The following PCDH11X variants were observed in gnomAD, a reference collection of about 807,000 sequenced individuals.
PCDH11X encodes protocadherin 11 X-linked.
Under a neutral mutation model 53.3 loss-of-function variants are expected in PCDH11X, and 18 were observed. That is an observed-to-expected ratio of 0.34 (90% CI 0.23 to 0.50). The LOEUF is 0.50. Among genes scored for constraint, PCDH11X ranks in the 20% least tolerant of loss-of-function variants. PCDH11X has a pLI of 0.98. For missense variants in PCDH11X, 570 were observed against 1,032.4 expected (o/e 0.55, Z 6.14); for synonymous variants, 279 against 393.3 (o/e 0.71, Z 3.44).
chrX:92,144,196 G>A (rs751147152), intron 6 of PCDH11X, among the ~76,000 whole-genome samples: 1 of 109,519 alleles, frequency 9.1e-6, no homozygotes, highest in South Asian at 3.9e-4. Context: ...TGGACTGGTG[G>A]GCTTTTGGGT....
At chrX:91,839,931 G>A (rs540389898) in intron 5 of PCDH11X, among the ~76,000 whole-genome samples, 3 of 111,681 alleles carry the variant, frequency 2.7e-5, no homozygotes, top group Non-Finnish European at 3.8e-5. Flanking sequence ...CACACACATC[G>A]TACTACACAT....
chrX:92,572,195 C>T lies in PCDH11X; in HGVS notation c.3368-46069C>T, dbSNP rs1602358756. On this transcript the variant is annotated intron_variant, in intron 10 of 10. Coordinates refer to ENST00000682573, the MANE Select transcript of PCDH11X (RefSeq NM_032968.5). ...AAAACTAAGTCATGTCACTATGAAA[C>T]TTCTTATTGCAAATTATAAATCAGA... Among the ~76,000 whole-genome samples the T allele has an allele frequency of 4.5e-5, 5 of 112,058 alleles. No individual in the cohort carries two copies. In the South Asian group the frequency reaches 1.8e-3, roughly 41 times the overall value.
chrX:92,180,975 C>T (rs1324577347), intron 6 of PCDH11X, among the ~76,000 whole-genome samples: 1 of 109,797 alleles, frequency 9.1e-6, no homozygotes, highest in South Asian at 4.0e-4. Flanking sequence ...GAAAAGATAC[C>T]AAAAAATGTG....
chrX:92,430,321 G>T, intron 9 of PCDH11X, among the ~76,000 whole-genome samples: 1 of 91,843 alleles, frequency 1.1e-5, no homozygotes, highest in Non-Finnish European at 2.4e-5. Flanking sequence ...AATTGATTAC[G>T]TGTTTGTTCA....
intron 6 of PCDH11X, among the ~76,000 whole-genome samples, chrX:92,096,063 T>C (rs1248545235): frequency 8.9e-6 from 1 of 112,010 alleles, no homozygotes; most frequent in East Asian, 2.8e-4. Context: ...ATAATAGAAT[T>C]AGTTACTTAT....
chrX:91,966,422 C>G (rs1284749600), intron 6 of PCDH11X, among the ~76,000 whole-genome samples: 1 of 108,650 alleles, frequency 9.2e-6, no homozygotes, highest in Admixed American at 9.8e-5. Context: ...AGTTTGTGTT[C>G]TCACTCATAA....
chrX:92,593,068 T>C (rs1437553179), intron 10 of PCDH11X, among the ~76,000 whole-genome samples: 1 of 110,691 alleles, frequency 9.0e-6, no homozygotes, highest in Non-Finnish European at 1.9e-5. Flanking sequence ...TGACTGATAA[T>C]CTTTGAAAAA....
At chrX:92,366,898 GT>G (rs1277980935) in intron 8 of PCDH11X, among the ~76,000 whole-genome samples, 1 of 110,433 alleles carries the variant, frequency 9.1e-6, no homozygotes, top group Non-Finnish European at 1.9e-5. Flanking sequence ...TTGCTGAGGA[GT>G]TTTTTACTTC....
intron 1 of PCDH11X, among the ~76,000 whole-genome samples, chrX:91,808,503 A>T (rs982681143): frequency 2.9e-4 from 32 of 109,578 alleles, no homozygotes; most frequent in Non-Finnish European, 5.5e-4. Flanking sequence ...TCAAGAAAAA[A>T]AAAAAAGAGA....
At chrX:91,837,313 G>A (rs1326351219) in intron 5 of PCDH11X, among the ~76,000 whole-genome samples, 1 of 111,920 alleles carries the variant, frequency 8.9e-6, no homozygotes, top group Admixed American at 9.6e-5. Context: ...TTGGAAAGAA[G>A]GGAACTCTTG....
At chrX:92,502,781 C>T in intron 10 of PCDH11X, among the ~76,000 whole-genome samples, 1 of 111,587 alleles carries the variant, frequency 9.0e-6, no homozygotes, top group Middle Eastern at 4.2e-3. Context: ...CTAGGCAATA[C>T]CATTCAGGAC....
chrX:92,232,434 C>A (rs936140967), intron 7 of PCDH11X, among the ~76,000 whole-genome samples: 5 of 111,261 alleles, frequency 4.5e-5, no homozygotes, highest in African/African-American at 1.6e-4. Flanking sequence ...TGAAAAATAC[C>A]CTAAATGCCC....
chrX:92,397,624 A>AT (rs75942883), intron 9 of PCDH11X, among the ~76,000 whole-genome samples: 16,672 of 108,437 alleles, frequency 0.15, 1,968 homozygotes, highest in East Asian at 0.73. Context: ...AATTAATCTG[A>AT]TTTTTAAAGA....
intron 8 of PCDH11X, among the ~76,000 whole-genome samples, chrX:92,386,621 A>G (rs1289723370): frequency 7.2e-5 from 8 of 110,948 alleles, no homozygotes; most frequent in Non-Finnish European, 1.3e-4. Flanking sequence ...GATGACTCCA[A>G]TAAGGCCACC....
chrX:92,352,487 A>G (rs1438639220), intron 8 of PCDH11X, among the ~76,000 whole-genome samples: 1 of 111,659 alleles, frequency 9.0e-6, no homozygotes, highest in Admixed American at 9.5e-5. Flanking sequence ...TTTTTCAGGT[A>G]AATCAGGGAT....
chrX:91,878,011 C>T lies in PCDH11X; in HGVS notation c.1771C>T (p.Leu591=). 8.3e-7 allele frequency: 1 copy of T among 1,210,611 alleles called. No homozygotes were observed. The highest frequency in any genetic ancestry group is 1.7e-5 in the African/African-American group (1 of 57,474). Residue 591 remains leucine (L), a synonymous_variant, in exon 6 of 11, where the codon CTA becomes TTA. Transcript: ENST00000682573. Reference sequence around the variant, plus strand: ...CCTTCCAAGGCATGGTACAGTAGGACTAATCACTGTAACTGATCCTGATTA... The same window carrying T: ...CCTTCCAAGGCATGGTACAGTAGGATTAATCACTGTAACTGATCCTGATTA... The part of the protein sequence containing the change: ...ENLPRHGTVG[L]ITVTDPDYGD...
intron 7 of PCDH11X, among the ~76,000 whole-genome samples, chrX:92,230,794 T>C (rs1339676088): frequency 9.2e-6 from 1 of 108,294 alleles, no homozygotes; most frequent in Non-Finnish European, 1.9e-5. Flanking sequence ...CCAGTGCTGC[T>C]GATAAATGTT....
At position 91,878,825 on chromosome X, in the gene PCDH11X, G is replaced by A. The variant is rs2147734745; in HGVS notation, c.2585G>A (p.Arg862Lys). 8.3e-7 allele frequency: 1 copy of A among 1,211,051 alleles called. No homozygotes were observed. The highest frequency in any genetic ancestry group is 1.7e-5 in the African/African-American group (1 of 57,621). ...TGGGCTACCCCAAACCCAGAAAACA[G>A]GCAGATGATAATGATGAAGAAAAAG... is the stretch of plus-strand genomic sequence containing the variant. ...SEWATPNPENRQMIMMKKKKK... is the reference protein window; with the variant it reads ...SEWATPNPENKQMIMMKKKKK... The change falls in exon 6 of 11, where the codon AGG (arginine) becomes AAG (lysine). Residue 862 changes from arginine (R) to lysine (K), a missense_variant. Around this residue, in one of 6 missense-constraint regions of PCDH11X, gnomAD observed 226 missense variants for 457.5 expected, o/e 0.49. Transcript: ENST00000682573.
chrX:92,502,707 A>C (rs1175940716), intron 10 of PCDH11X, among the ~76,000 whole-genome samples: 2 of 110,594 alleles, frequency 1.8e-5, no homozygotes, highest in East Asian at 2.8e-4. Context: ...AACATATATA[A>C]AAGTTAAGAT....
Sources: allele counts gnomAD v4.1 joint callset (sites outside exome capture counted in the v4.1 genomes callset), GRCh38; gene constraint gnomAD v4.1.1; regional missense constraint gnomAD v4.1.1; transcripts MANE v1.5; gene names NCBI Gene and HGNC (gene_info 2026-07-23, HGNC 2026-07-21).